Variants in TBC1D9B observed in about 807,000 individuals in gnomAD.
TBC1D9B encodes the protein TBC1 domain family, member 9B (with GRAM domain).
Under a neutral mutation model 121.1 loss-of-function variants are expected in TBC1D9B, and 87 were observed. The observed-to-expected ratio is 0.72, with a 90% CI of 0.60 to 0.86. TBC1D9B has a LOEUF of 0.86. Among genes scored for constraint, TBC1D9B ranks in the 40% least tolerant of loss-of-function variants. The probability of loss-of-function intolerance (pLI) is 0.00; values close to 1 mark genes in which losing one functional copy is unlikely to be tolerated. For synonymous variants in TBC1D9B, 668 were observed against 670.1 expected (o/e 1.00, Z 0.05); for missense variants, 1,540 against 1,628.6 (o/e 0.95, Z 0.94).
At chr5:179,879,816 G>A (rs753474329) in intron 7 of TBC1D9B, 27 bp from the exon 8 acceptor site, 15 of 1,585,304 alleles carry the variant, frequency 9.5e-6, no homozygotes, top group Admixed American at 3.5e-5. Context: ...GGAAGGGGAC[G>A]CCCTAACAAC....
Position 179,899,256 on chromosome 5 carries a change from A to G in TBC1D9B, c.281T>C (p.Leu94Ser). ...TKHWEWLENN[L>S]LQTLSIFDSE... ...GTCGAAGATGGACAGTGTCTGGAGCAAGTTATTTTCCAGCCATTCCCAGTG... is the reference window on the plus strand; with the variant it reads ...GTCGAAGATGGACAGTGTCTGGAGCGAGTTATTTTCCAGCCATTCCCAGTG... Residue 94 changes from leucine (L) to serine (S), a missense_variant, in exon 3 of 21, where the codon TTG becomes TCG. Transcript: ENST00000355235. 6.2e-7 allele frequency: 1 copy of G among 1,614,100 alleles called. No homozygotes were observed. Among genetic ancestry groups the G allele is most frequent in the Non-Finnish European group, 8.5e-7 (1 of 1,180,020 alleles).
intron 5 of TBC1D9B, among the ~76,000 whole-genome samples, chr5:179,892,697 C>A (rs539574444): frequency 1.3e-5 from 2 of 152,288 alleles, no homozygotes; most frequent in East Asian, 3.9e-4. Flanking sequence ...CCTGGGGGTC[C>A]CATGGCTGTG....
At chr5:179,871,786 G>A (rs985725970) in intron 14 of TBC1D9B, 7 of 380,880 alleles carry the variant, frequency 1.8e-5, no homozygotes, top group Non-Finnish European at 2.9e-5. Flanking sequence ...CACACTCCGG[G>A]CCCCTTCCCA....
intron 2 of TBC1D9B, among the ~76,000 whole-genome samples, chr5:179,899,945 A>AAAATCTGGGCGC (rs1761121756): frequency 6.6e-6 from 1 of 152,136 alleles, no homozygotes; most frequent in Non-Finnish European, 1.5e-5. Flanking sequence ...AAATGTAGAG[A>AAAATCTGGGCGC]AAATCTGGGC....
At chr5:179,881,111 G>C (rs1404017515) in intron 7 of TBC1D9B, among the ~76,000 whole-genome samples, 1 of 152,214 alleles carries the variant, frequency 6.6e-6, no homozygotes, top group Non-Finnish European at 1.5e-5. Flanking sequence ...GTGTGCTCCT[G>C]GCGAGGCGGC....
At chr5:179,889,151 T>G (rs565103723) in intron 6 of TBC1D9B, among the ~76,000 whole-genome samples, 1 of 151,930 alleles carries the variant, frequency 6.6e-6, no homozygotes, top group East Asian at 1.9e-4. Flanking sequence ...TGCCTCAGCC[T>G]CCCAAGTAGC....
rs1759982841 is a variant in TBC1D9B, at chr5:179,865,503, C to T, written c.2915-143G>A. 2.5e-6 allele frequency: 2 copies of T among 786,120 alleles called. No individual in the cohort carries two copies. Among genetic ancestry groups the T allele is most frequent in the South Asian group, 3.3e-5 (2 of 60,072 alleles). 48.7% of individuals were successfully genotyped at this position (786,120 alleles called of 1,614,324 possible). On this transcript the variant is annotated intron_variant, in intron 19 of 20. Transcript: ENST00000355235. This position sits in a 1 kb window ranked among gnomAD's most constrained non-coding sequence, Gnocchi z 5.1. ...ACACCCTGGCGTTTGGGAAGGTGGT[C>T]ATGGGAAAAAAACCCAGAACAGCCA...
In TBC1D9B at chr5:179,893,373, C is replaced by T; in HGVS notation, c.672G>A (p.Gln224=). Residue 224 remains glutamine (Q), a synonymous_variant, in exon 5 of 21, where the codon CAG becomes CAA. Transcript: ENST00000355235. Reference sequence around the variant, plus strand: ...TGAGGAACATGGAGAAGAAGAGCTCCTGGTCGCGGGTGTCCACACGGATGC... The same window carrying T: ...TGAGGAACATGGAGAAGAAGAGCTCTTGGTCGCGGGTGTCCACACGGATGC... ...PESIRVDTRD[Q]ELFFSMFLNI... is the part of the protein sequence containing the mutation. 1 of 1,614,162 alleles carries T rather than the reference C, an allele frequency of 6.2e-7. No individual in the cohort carries two copies. Among genetic ancestry groups the T allele is most frequent in the Non-Finnish European group, 8.5e-7 (1 of 1,180,032 alleles).
At chr5:179,903,394 T>C (rs1761216408) in intron 2 of TBC1D9B, among the ~76,000 whole-genome samples, 2 of 152,178 alleles carry the variant, frequency 1.3e-5, no homozygotes, top group African/African-American at 4.8e-5. Flanking sequence ...GAAAGGGGAC[T>C]TCCCTCCGCA....
At chr5:179,897,249 T>C (rs1761046970) in intron 3 of TBC1D9B, among the ~76,000 whole-genome samples, 3 of 152,014 alleles carry the variant, frequency 2.0e-5, no homozygotes, top group Non-Finnish European at 1.5e-5. Flanking sequence ...TAAATTTCCT[T>C]CTGTGTATTG....
rs1240403667 is a variant in TBC1D9B at position 179,890,108 on chromosome 5, C to A, written c.1044+1271G>T. 6.6e-6 allele frequency among the ~76,000 whole-genome samples: 1 copy of A among 152,042 alleles called. No individual in the cohort carries two copies. Among genetic ancestry groups the A allele is most frequent in the African/African-American group, 2.4e-5 (1 of 41,382 alleles). Reference sequence around the variant, plus strand: ...TCACTTCCCGAGGGAAGCATGGAAGCGGGTGGTTGGGAGTGAAATTCAAGA... The same window carrying A: ...TCACTTCCCGAGGGAAGCATGGAAGAGGGTGGTTGGGAGTGAAATTCAAGA... On this transcript the variant is annotated intron_variant, in intron 6 of 20. Coordinates refer to ENST00000355235, the MANE Select transcript of TBC1D9B (RefSeq NM_015043.4). The surrounding 1 kb of genome is among the most constrained non-coding windows in gnomAD (Gnocchi z 5.0).
chr5:179,872,861 A>AGCGGG, intron 14 of TBC1D9B, 31 bp downstream of exon 14: 2 of 1,000,578 alleles, frequency 2.0e-6, no homozygotes, highest in East Asian at 3.7e-5. Flanking sequence ...CCCCCAGCCC[A>AGCGGG]GCCCCTGCCC....
chr5:179,865,218 C>T lies in TBC1D9B; in HGVS notation c.3021+36G>A, dbSNP rs369419862. On this transcript the variant is annotated intron_variant, in intron 20 of 20. Coordinates refer to ENST00000355235, the MANE Select transcript of TBC1D9B (RefSeq NM_015043.4). The surrounding 1 kb of genome is among the most constrained non-coding windows in gnomAD (Gnocchi z 5.1). ...AGGGCCCAGTCTTGGTCAGAACTCT[C>T]CAGAAATGTCTACTGTGGGCTCCAG... The T allele has an allele frequency of 8.0e-5, 128 of 1,604,140 alleles. No individual in the cohort carries two copies. Among genetic ancestry groups the T allele is most frequent in the Non-Finnish European group, 1.1e-4 (125 of 1,171,112 alleles).
At chr5:179,882,924 C>T (rs1176080418) in intron 7 of TBC1D9B, among the ~76,000 whole-genome samples, 1 of 152,152 alleles carries the variant, frequency 6.6e-6, no homozygotes, top group African/African-American at 2.4e-5. Flanking sequence ...GGATCGTGGC[C>T]CATTGCAACC....
Position 179,907,442 on chromosome 5 carries a change from C to A in TBC1D9B, c.118+262G>T, listed in dbSNP as rs1229137802. ...GGGCAGAAGCCGCCGCCGGTCTCCA[C>A]TTGGCCGCCCCAAGCCGACCTGAGG... On this transcript the variant is annotated intron_variant, in intron 1 of 20. Transcript: ENST00000355235. This position sits in a 1 kb window ranked among gnomAD's most constrained non-coding sequence, Gnocchi z 5.3. Among the ~76,000 whole-genome samples, 1 of 151,374 alleles carries A rather than the reference C, an allele frequency of 6.6e-6. No homozygotes were observed. Among genetic ancestry groups the A allele is most frequent in the Non-Finnish European group, 1.5e-5 (1 of 67,486 alleles).
intron 7 of TBC1D9B, among the ~76,000 whole-genome samples, chr5:179,883,363 G>A (rs535583650): frequency 1.9e-3 from 295 of 152,228 alleles, no homozygotes; most frequent in Non-Finnish European, 2.5e-3. Flanking sequence ...ATGGCACTAC[G>A]ATTATACGTA....
intron 3 of TBC1D9B, 136 bp downstream of exon 3, chr5:179,899,052 GA>G: frequency 1.5e-6 from 1 of 678,006 alleles, no homozygotes; most frequent in Non-Finnish European, 2.5e-6. Context: ...AACTCCAAGA[GA>G]AGGAGCGCTG....
In TBC1D9B at chr5:179,863,523, C is replaced by A. The variant is rs370591560; in HGVS notation, c.3627G>T (p.Lys1209Asn). The change falls in exon 21 of 21, where the codon AAG (lysine) becomes AAT (asparagine). Residue 1209 changes from lysine to asparagine, a missense_variant. Physicochemically the swap from Lys to Asn is moderately conservative, Grantham distance 94. Transcript: ENST00000355235. The surrounding 1 kb of genome is among the most constrained non-coding windows in gnomAD (Gnocchi z 4.5). ...FFEKRVDIGL[K>N]IKDQKKVERQ... is the part of the protein sequence containing the mutation. ...TCTCCACTTTCTTTTGGTCCTTGAT[C>A]TTGAGTCCAATGTCCACTCTCTTCT... The A allele has an allele frequency of 1.2e-5, 19 of 1,614,084 alleles. No individual in the cohort carries two copies. The highest frequency in any genetic ancestry group is 1.5e-5 in the Non-Finnish European group (18 of 1,180,048).
In TBC1D9B at chr5:179,863,363, A is replaced by T; in HGVS notation, c.*85T>A. On this transcript the variant is annotated 3_prime_UTR_variant, in exon 21 of 21. Coordinates refer to ENST00000355235, the MANE Select transcript of TBC1D9B (RefSeq NM_015043.4). The surrounding 1 kb of genome is among the most constrained non-coding windows in gnomAD (Gnocchi z 4.5). ...GAGCAGGAGGGGCACACCTTTAAAG[A>T]GAAACTGATAAGGGAGGAAAGGCAG... is the stretch of plus-strand genomic sequence containing the variant. The T allele has an allele frequency of 6.8e-7, 1 of 1,474,906 alleles. No homozygotes were observed. The allele number at this position is 1,474,906 out of a possible 1,614,324, so 91.4% of individuals were successfully genotyped here.
Sources: allele counts gnomAD v4.1 joint callset (sites outside exome capture counted in the v4.1 genomes callset), GRCh38; gene constraint gnomAD v4.1.1; non-coding constraint Gnocchi (gnomAD v3.1); transcripts MANE v1.5; gene names NCBI Gene and HGNC (gene_info 2026-07-23, HGNC 2026-07-21).